ANK3: variants seen among roughly 807,000 people sequenced by gnomAD.
ANK3 encodes ankyrin-3.
ANK3 carries 57 observed loss-of-function variants against 370.9 expected under a neutral mutation model. That is an observed-to-expected ratio of 0.15 (90% confidence interval 0.12 to 0.19). ANK3 has a LOEUF of 0.19. Among genes scored for constraint, ANK3 ranks in the 10% least tolerant of loss-of-function variants. ANK3 has a pLI of 1.00. For missense variants in ANK3, 4,439 were observed against 5,302.1 expected (o/e 0.84, Z 5.06); for synonymous variants, 1,929 against 1,946.3 (o/e 0.99, Z 0.23).
At chr10:60,206,421 C>T (rs916920763) in intron 10 of ANK3, among the ~76,000 whole-genome samples, 7 of 152,094 alleles carry the variant, frequency 4.6e-5, no homozygotes, top group Non-Finnish European at 8.8e-5. Flanking sequence ...TGCAGTGAGC[C>T]GAGATTGTGC....
rs188864946 is a variant in ANK3, at chr10:60,532,892, G to A, written c.96+82294C>T. On this transcript the variant is annotated intron_variant, in intron 2 of 43. Coordinates refer to the ANK3 transcript ENST00000373827. The stretch of plus-strand genomic sequence containing the variant: ...TGTTGGGCAGGGAACAACCTGGCGA[G>A]GGTAATTCTAAGAGGAGTGGCTGAA... Among the ~76,000 whole-genome samples, 879 of 152,190 alleles carry A rather than the reference G, an allele frequency of 5.8e-3. 6 individuals are homozygous for A. The highest frequency in any genetic ancestry group is 0.01 in the Non-Finnish European group (705 of 67,990).
intron 2 of ANK3, among the ~76,000 whole-genome samples, chr10:60,478,142 A>G (rs181934726): frequency 5.9e-5 from 9 of 152,192 alleles, no homozygotes; most frequent in African/African-American, 2.2e-4. Flanking sequence ...AACATTTATA[A>G]TAAGAGGTTC....
intron 2 of ANK3, among the ~76,000 whole-genome samples, chr10:60,421,231 A>G (rs561310004): frequency 2.0e-5 from 3 of 152,224 alleles, no homozygotes; most frequent in Admixed American, 1.3e-4. Context: ...GGGTGATAAA[A>G]GAATTTTGGA....
intron 1 of ANK3, among the ~76,000 whole-genome samples, chr10:60,326,754 A>G (rs1344765374): frequency 3.3e-5 from 5 of 151,882 alleles, no homozygotes; most frequent in South Asian, 2.1e-4. Context: ...GGGCGCGTTG[A>G]CTCATGCCTG....
chr10:60,073,884 G>A lies in ANK3; in HGVS notation c.6997C>T (p.His2333Tyr). 6.2e-7 allele frequency: 1 copy of A among 1,613,716 alleles called. No homozygotes were observed. Among genetic ancestry groups the A allele is most frequent in the Non-Finnish European group, 8.5e-7 (1 of 1,179,986 alleles). ...TCAGCTTGGTTACCTTTTTCGATGTGGACTTCTATTATACGCTCCAGTTTG... is the reference window on the plus strand; with the variant it reads ...TCAGCTTGGTTACCTTTTTCGATGTAGACTTCTATTATACGCTCCAGTTTG... The part of the protein sequence containing the change: ...KPKLERIIEV[H>Y]IEKGNQAEPT... Residue 2333 changes from histidine to tyrosine, a missense_variant, in exon 37 of 44, where the codon CAC (histidine) becomes TAC (tyrosine). Coordinates refer to ENST00000280772, the MANE Select transcript of ANK3 (RefSeq NM_020987.5).
chr10:60,086,852 C>T lies in ANK3; in HGVS notation c.3573G>A (p.Lys1191=). The T allele has an allele frequency of 6.2e-7, 1 of 1,611,756 alleles. No individual in the cohort carries two copies. ...TAAAAGTTGCTTTGTTTCCAAGGAT[C>T]TTTTTCACAATTTCATCTGGAACAG... is the stretch of plus-strand genomic sequence containing the variant. ...AQPVPDEIVK[K]ILGNKATFSP... Residue 1191 remains lysine (K), a synonymous_variant, in exon 30 of 44, where the codon AAG becomes AAA. Coordinates refer to ENST00000280772, the MANE Select transcript of ANK3 (RefSeq NM_020987.5).
intron 2 of ANK3, among the ~76,000 whole-genome samples, chr10:60,452,576 T>C (rs2067612): frequency 0.74 from 113,188 of 152,182 alleles, 42,232 homozygotes; most frequent in South Asian, 0.92. Flanking sequence ...TTAATATCAC[T>C]AGAGTAAGGA....
At chr10:60,292,549 A>G (rs77956775) in intron 1 of ANK3, among the ~76,000 whole-genome samples, 4,868 of 152,166 alleles carry the variant, frequency 0.032, 279 homozygotes, top group African/African-American at 0.11. Flanking sequence ...TTAAAATAAG[A>G]TAGTAATCAA....
chr10:60,210,887 A>G (rs2096843838), intron 9 of ANK3, among the ~76,000 whole-genome samples: 1 of 152,148 alleles, frequency 6.6e-6, no homozygotes, highest in Admixed American at 6.6e-5. Context: ...CAACTCCTGG[A>G]AAAAGAAAAG....
At chr10:60,542,072 G>A (rs962924875) in intron 2 of ANK3, among the ~76,000 whole-genome samples, 4 of 151,904 alleles carry the variant, frequency 2.6e-5, no homozygotes, top group African/African-American at 7.2e-5. Context: ...ATCCTCTCAC[G>A]TCCCCTCATA....
At chr10:60,463,605 G>A (rs1408890654) in intron 2 of ANK3, among the ~76,000 whole-genome samples, 1 of 151,404 alleles carries the variant, frequency 6.6e-6, no homozygotes, top group Non-Finnish European at 1.5e-5. Flanking sequence ...TCAGGTTAGT[G>A]GCCCTGTTGC....
At chr10:60,416,263 G>A (rs1313594677) in intron 2 of ANK3, among the ~76,000 whole-genome samples, 3 of 151,980 alleles carry the variant, frequency 2.0e-5, no homozygotes, top group Non-Finnish European at 2.9e-5. Flanking sequence ...TAGCACAGAT[G>A]GATTGTTTCT....
At chr10:60,282,201 T>G (rs960379281) in intron 1 of ANK3, among the ~76,000 whole-genome samples, 2 of 152,130 alleles carry the variant, frequency 1.3e-5, no homozygotes, top group African/African-American at 4.8e-5. Context: ...ATAACAACTG[T>G]GAGTTAAGCA....
At position 60,064,172 on chromosome 10, in the gene ANK3, C is replaced by T. The variant is rs184370155; in HGVS notation, c.12436G>A (p.Gly4146Arg). ...TTCGGCATACTTGTGGCATTTTTTC[C>T]GTCTCTGGTAACCCATTTTTTTAAT... ...MLLKKWVTRD[G>R]KNATTDALTS... The change falls in exon 39 of 44, where the codon GGA (glycine) becomes AGA (arginine). Residue 4146 changes from glycine to arginine, a missense_variant. Physicochemically the swap from Gly to Arg is moderately radical, Grantham distance 125 (BLOSUM62 -2). Transcript: ENST00000280772. 1.5e-5 allele frequency: 23 copies of T among 1,550,956 alleles called. No homozygotes were observed. The highest frequency in any genetic ancestry group is 4.7e-5 in the East Asian group (2 of 42,460).
intron 2 of ANK3, among the ~76,000 whole-genome samples, chr10:60,483,772 A>T (rs2075283114): frequency 6.6e-6 from 1 of 151,868 alleles, no homozygotes; most frequent in Admixed American, 6.6e-5. Flanking sequence ...TCAGCTACAC[A>T]CTCCACGTGC....
chr10:60,303,074 C>T (rs998415155), intron 1 of ANK3, among the ~76,000 whole-genome samples: 3 of 152,114 alleles, frequency 2.0e-5, no homozygotes, highest in Non-Finnish European at 4.4e-5. Flanking sequence ...GGATTACAGG[C>T]TTAAATGTAA....
intron 2 of ANK3, among the ~76,000 whole-genome samples, chr10:60,470,563 T>C (rs2065192180): frequency 6.6e-6 from 1 of 152,080 alleles, no homozygotes; most frequent in African/African-American, 2.4e-5. Flanking sequence ...GAAATACACA[T>C]TTGAGGTGGT....
In ANK3 at chr10:60,213,407, A is replaced by G. The variant is rs1275468884; in HGVS notation, c.996+5T>C. On this transcript the variant is annotated splice_donor_5th_base_variant and intron_variant, in intron 9 of 43. Coordinates refer to ENST00000280772, the MANE Select transcript of ANK3 (RefSeq NM_020987.5). ...CCAATGTCCAGAAACCTGAAAAGAA[A>G]TTACCTTGGTTTTTGAAAGAATGGG... is the stretch of plus-strand genomic sequence containing the variant. The G allele has an allele frequency of 1.9e-6, 3 of 1,607,014 alleles. No homozygotes were observed. Among genetic ancestry groups the G allele is most frequent in the Admixed American group, 1.7e-5 (1 of 59,602 alleles).
intron 38 of ANK3, 57 bp downstream of exon 38, chr10:60,067,874 TGTGA>T (rs1172770420): frequency 2.2e-6 from 3 of 1,383,752 alleles, no homozygotes; most frequent in South Asian, 1.3e-5. Flanking sequence ...TTGAACTGCT[TGTGA>T]GTAAGACAAA....
Sources: gnomAD v4.1 joint callset for allele counts (sites outside exome capture counted in the v4.1 genomes callset) on GRCh38, gnomAD v4.1.1 for gene constraint, MANE v1.5 for transcripts, NCBI Gene and HGNC (gene_info 2026-07-23, HGNC 2026-07-21) for gene names.